Variants in AGPAT4 observed in about 807,000 individuals in gnomAD.
The protein encoded by AGPAT4 is 1-acylglycerol-3-phosphate O-acyltransferase 4.
Under a neutral mutation model 48.0 loss-of-function variants are expected in AGPAT4, and 15 were observed. The ratio of observed to expected loss-of-function variants is 0.31; its 90% CI spans 0.21 to 0.48. The LOEUF is 0.48. AGPAT4 is among the 20% of genes least tolerant of loss of function. The pLI is 0.99. For synonymous variants in AGPAT4, 178 were observed against 198.7 expected, an observed-to-expected ratio of 0.90 and a Z score of 0.88; for missense variants, 314 against 482.5, an observed-to-expected ratio of 0.65 and a Z score of 3.27.
intron 2 of AGPAT4, among the ~76,000 whole-genome samples, chr6:161,190,887 A>G (rs1004860392): frequency 5.9e-5 from 9 of 152,236 alleles, no homozygotes; most frequent in African/African-American, 2.2e-4. Flanking sequence ...ATCTAAGGTT[A>G]TAACAATAGT....
rs201317021 is a variant in AGPAT4 at position 161,139,664 on chromosome 6, G to A, written c.844-44C>T. The A allele has an allele frequency of 2.1e-4, 312 of 1,519,376 alleles. 2 individuals carry two copies. The Middle Eastern group carries it at 2.1e-3, about 10-fold the overall frequency. 94.1% of individuals were successfully genotyped at this position (1,519,376 alleles called of 1,614,324 possible). On this transcript the variant is annotated intron_variant, in intron 7 of 8. Coordinates refer to ENST00000320285, the MANE Select transcript of AGPAT4 (RefSeq NM_020133.3). This position sits in a 1 kb window ranked among gnomAD's most constrained non-coding sequence, Gnocchi z 9.1. ...GACCCTCAGACGCCACACGGGGCTC[G>A]GTGGCAGGTCCCTCCCGAGGCCCTG...
At position 161,143,532 on chromosome 6, in the gene AGPAT4, G is replaced by A. The variant is rs746152468; in HGVS notation, c.843+2992C>T. ...CAATTAAGAAACCGTGATGGCTATC[G>A]TGACCTCCCTGGAAAAAAGGGGGTT... On this transcript the variant is annotated intron_variant, in intron 7 of 8. Coordinates refer to ENST00000320285, the MANE Select transcript of AGPAT4 (RefSeq NM_020133.3). This position sits in a 1 kb window ranked among gnomAD's most constrained non-coding sequence, Gnocchi z 4.7. 5.3e-5 allele frequency among the ~76,000 whole-genome samples: 8 copies of A among 152,276 alleles called. No homozygotes were observed. Among genetic ancestry groups the A allele is most frequent in the East Asian group, 3.9e-4 (2 of 5,180 alleles).
chr6:161,205,472 A>C (rs1221884137), intron 2 of AGPAT4, among the ~76,000 whole-genome samples: 1 of 152,200 alleles, frequency 6.6e-6, no homozygotes, highest in Non-Finnish European at 1.5e-5. Context: ...AGCCTGAAAG[A>C]GCAGCTCTCC....
chr6:161,213,458 A>G (rs949581210), intron 2 of AGPAT4, among the ~76,000 whole-genome samples: 3 of 152,118 alleles, frequency 2.0e-5, no homozygotes, highest in African/African-American at 7.2e-5. Context: ...TACAGTTTGG[A>G]CTGAATTCTA....
chr6:161,229,874 T>G lies in AGPAT4; in HGVS notation c.178+2162A>C, dbSNP rs967262785. On this transcript the variant is annotated intron_variant, in intron 2 of 8. Coordinates refer to ENST00000320285, the MANE Select transcript of AGPAT4 (RefSeq NM_020133.3). This position sits in a 1 kb window ranked among gnomAD's most constrained non-coding sequence, Gnocchi z 6.0. ...TTGCTGGGGTGCATCTGGATGGAGG[T>G]GCTTCCTCTGGGGAAGAAGGCACAG... 6.6e-6 allele frequency among the ~76,000 whole-genome samples: 1 copy of G among 151,996 alleles called. No individual in the cohort carries two copies. Among genetic ancestry groups the G allele is most frequent in the East Asian group, 1.9e-4 (1 of 5,176 alleles).
Position 161,166,093 on chromosome 6 carries a change from C to G in AGPAT4, c.348+155G>C, listed in dbSNP as rs1342114343. ...ATAAGAAGCTGTTAAGACTGACTCC[C>G]AGCAAGAATAAAAAGCAGTTTATTA... On this transcript the variant is annotated intron_variant, in intron 3 of 8. Transcript: ENST00000320285. This position sits in a 1 kb window ranked among gnomAD's most constrained non-coding sequence, Gnocchi z 6.7. 1 of 1,013,146 alleles carries G rather than the reference C, an allele frequency of 9.9e-7. No individual in the cohort carries two copies. Among genetic ancestry groups the G allele is most frequent in the South Asian group, 1.7e-5 (1 of 60,394 alleles). The allele number at this position is 1,013,146 out of a possible 1,614,324, so 62.8% of individuals were successfully genotyped here.
At chr6:161,163,287 G>A (rs1779990141) in intron 3 of AGPAT4, among the ~76,000 whole-genome samples, 1 of 152,130 alleles carries the variant, frequency 6.6e-6, no homozygotes, top group African/African-American at 2.4e-5. Context: ...AAAATGCCTG[G>A]TCAGGAACCT....
chr6:161,170,351 C>G (rs1780228770), intron 2 of AGPAT4, among the ~76,000 whole-genome samples: 1 of 152,130 alleles, frequency 6.6e-6, no homozygotes, highest in Non-Finnish European at 1.5e-5. Context: ...GAGACACTTC[C>G]TCTTTACCGC....
rs991647931 is a variant in AGPAT4 at position 161,272,078 on chromosome 6, C to T, written c.-90+1860G>A. Among the ~76,000 whole-genome samples, 7 of 152,166 alleles carry T rather than the reference C, an allele frequency of 4.6e-5. No homozygotes were observed. The highest frequency in any genetic ancestry group is 6.5e-5 in the Admixed American group (1 of 15,272). ...TTCTCGTCTTTAACTCCATGTGGCT[C>T]TGGTTTGTTTTGTGCCATGCTATTT... On this transcript the variant is annotated intron_variant, in intron 1 of 8. Transcript: ENST00000320285. The surrounding 1 kb of genome is among the most constrained non-coding windows in gnomAD (Gnocchi z 4.2).
chr6:161,150,459 T>A (rs1051423540), intron 5 of AGPAT4, among the ~76,000 whole-genome samples: 40 of 152,160 alleles, frequency 2.6e-4, no homozygotes, highest in Non-Finnish European at 4.7e-4. Context: ...TTTACATATG[T>A]GCAAGTATTA....
rs578192458 is a variant in AGPAT4, at chr6:161,235,677, C to T, written c.-89-3375G>A. 2.0e-5 allele frequency among the ~76,000 whole-genome samples: 3 copies of T among 152,156 alleles called. No individual in the cohort carries two copies. The highest frequency in any genetic ancestry group is 3.9e-4 in the East Asian group (2 of 5,174). ...GGAAGCTTTTACTCATGGCGGAAGG[C>T]AAAGGGGGAGCGGGCATCTTACAAG... On this transcript the variant is annotated intron_variant, in intron 1 of 8. Transcript: ENST00000320285. The surrounding 1 kb of genome is among the most constrained non-coding windows in gnomAD (Gnocchi z 6.2).
chr6:161,250,921 T>C (rs185877807), intron 1 of AGPAT4, among the ~76,000 whole-genome samples: 95 of 152,322 alleles, frequency 6.2e-4, no homozygotes, highest in African/African-American at 2.1e-3. Context: ...TCCATGACTT[T>C]TTTATTGATT....
chr6:161,271,536 C>T (rs923361930), intron 1 of AGPAT4, among the ~76,000 whole-genome samples: 4 of 152,226 alleles, frequency 2.6e-5, no homozygotes, highest in African/African-American at 9.6e-5. Context: ...GACTCACCCT[C>T]TGGGTGTCAC....
intron 1 of AGPAT4, among the ~76,000 whole-genome samples, chr6:161,248,303 G>A (rs373201864): frequency 1.1e-4 from 16 of 152,202 alleles, no homozygotes; most frequent in Admixed American, 2.0e-4. Context: ...GGCTGGGCGC[G>A]GTGGCTCACG....
At position 161,152,306 on chromosome 6, in the gene AGPAT4, C is replaced by G. The variant is rs369191509; in HGVS notation, c.664+1040G>C. ...CAGGCACACAGAGGGGCGAGGGGGCCAGGGGCACAGCCCGCCTGGCCTGGG... is the reference window on the plus strand; with the variant it reads ...CAGGCACACAGAGGGGCGAGGGGGCGAGGGGCACAGCCCGCCTGGCCTGGG... On this transcript the variant is annotated intron_variant, in intron 5 of 8. Transcript: ENST00000320285. Among the ~76,000 whole-genome samples the G allele has an allele frequency of 3.2e-4, 45 of 141,964 alleles. No individual in the cohort carries two copies. The South Asian group carries it at 5.7e-3, about 18-fold the overall frequency. 93.1% of individuals were successfully genotyped at this position (141,964 alleles called of 152,430 possible).
rs1288605625 is a variant in AGPAT4 at position 161,272,749 on chromosome 6, C to T, written c.-90+1189G>A. 6.6e-6 allele frequency among the ~76,000 whole-genome samples: 1 copy of T among 151,396 alleles called. No homozygotes were observed. The highest frequency in any genetic ancestry group is 1.5e-5 in the Non-Finnish European group (1 of 68,008). On this transcript the variant is annotated intron_variant, in intron 1 of 8. Transcript: ENST00000320285. This position sits in a 1 kb window ranked among gnomAD's most constrained non-coding sequence, Gnocchi z 4.2. The stretch of plus-strand genomic sequence containing the variant: ...ACACACACAAACACACACATTCTCC[C>T]TTCTCTCAAGATACTTTTTTTCCAA...
rs749457238 is a variant in AGPAT4, at chr6:161,161,420, C to T, written c.348+4828G>A. 32 of 456,624 alleles carry T rather than the reference C, an allele frequency of 7.0e-5. 1 individual carries two copies. The highest frequency in any genetic ancestry group is 5.0e-4 in the South Asian group (32 of 64,576). The allele number at this position is 456,624 out of a possible 1,614,324, so 28.3% of individuals were successfully genotyped here. A position where few individuals can be genotyped will look rare whatever the true frequency, so the allele number is the denominator to read the frequency against. On this transcript the variant is annotated intron_variant, in intron 3 of 8. Transcript: ENST00000320285. This position sits in a 1 kb window ranked among gnomAD's most constrained non-coding sequence, Gnocchi z 4.6. ...GTGATTCCAGATCCCAGCACACTTG[C>T]CAAACCCAGTGAATGGTAAGAGGCA...
At chr6:161,253,117 G>A (rs1244981903) in intron 1 of AGPAT4, among the ~76,000 whole-genome samples, 4 of 150,816 alleles carry the variant, frequency 2.7e-5, no homozygotes, top group African/African-American at 7.3e-5. Context: ...GGAGGCTGAG[G>A]CAGGAGAATC....
At position 161,211,486 on chromosome 6, in the gene AGPAT4, T is replaced by A. The variant is rs866347304; in HGVS notation, c.178+20550A>T. ...GGCAAGAAAGCTTAAAGAGAAATAA[T>A]TTCATATGAGAAAAAAATCTTGTAT... On this transcript the variant is annotated intron_variant, in intron 2 of 8. Transcript: ENST00000320285. Among the ~76,000 whole-genome samples, 5 of 152,156 alleles carry A rather than the reference T, an allele frequency of 3.3e-5. No individual in the cohort carries two copies. The South Asian group carries it at 1.0e-3, about 32-fold the overall frequency.
Sources: allele counts gnomAD v4.1 joint callset (sites outside exome capture counted in the v4.1 genomes callset), GRCh38; gene constraint gnomAD v4.1.1; non-coding constraint Gnocchi (gnomAD v3.1); transcripts MANE v1.5; gene names NCBI Gene and HGNC (gene_info 2026-07-23, HGNC 2026-07-21).